NEGR1: variants seen among roughly 807,000 people sequenced by gnomAD.
NEGR1 encodes IgLON family member 4.
In NEGR1, 10 loss-of-function variants were observed where a neutral mutation model predicts 40.9. That is an observed-to-expected ratio of 0.24 (90% confidence interval 0.15 to 0.42). NEGR1 has a LOEUF of 0.42. Ranked by LOEUF, NEGR1 falls within the 10% of genes least tolerant of loss-of-function variation. NEGR1 has a pLI of 1.00. For missense variants in NEGR1, 352 were observed against 438.9 expected, an observed-to-expected ratio of 0.80 and a Z score of 1.77; for synonymous variants, 185 against 166.8, an observed-to-expected ratio of 1.11 and a Z score of -0.84.
intron 1 of NEGR1, among the ~76,000 whole-genome samples, chr1:72,181,830 TA>T (rs1177425673): frequency 6.6e-6 from 1 of 152,014 alleles, no homozygotes; most frequent in Non-Finnish European, 1.5e-5. Context: ...TGTGGAGTCT[TA>T]AAAAATTCAA....
At chr1:72,153,090 C>G (rs943997336) in intron 1 of NEGR1, among the ~76,000 whole-genome samples, 1 of 151,718 alleles carries the variant, frequency 6.6e-6, no homozygotes, top group African/African-American at 2.4e-5. Context: ...TCCCATGTAC[C>G]AAACCTGCAC....
At chr1:71,842,115 A>G (rs1408911992) in intron 2 of NEGR1, among the ~76,000 whole-genome samples, 7 of 152,162 alleles carry the variant, frequency 4.6e-5, no homozygotes, top group Admixed American at 1.3e-4. Context: ...GTTAGCTCAG[A>G]AGTCACATGG....
At chr1:71,763,946 G>T (rs1006090339) in intron 3 of NEGR1, among the ~76,000 whole-genome samples, 10 of 152,150 alleles carry the variant, frequency 6.6e-5, no homozygotes, top group African/African-American at 2.2e-4. Context: ...AATCTTTACA[G>T]ATTCCCTACT....
chr1:71,470,163 T>C (rs1305973126), intron 6 of NEGR1, among the ~76,000 whole-genome samples: 3 of 152,110 alleles, frequency 2.0e-5, no homozygotes, highest in African/African-American at 7.2e-5. Context: ...AGGGTCTATA[T>C]ACTCAGAATG....
chr1:71,677,270 C>T (rs144569888), intron 4 of NEGR1, among the ~76,000 whole-genome samples: 80 of 152,040 alleles, frequency 5.3e-4, no homozygotes, highest in Middle Eastern at 6.8e-3. Flanking sequence ...ATCTGGTCTC[C>T]GGATAGGATA....
At chr1:71,424,057 G>C (rs1646414181) in intron 6 of NEGR1, among the ~76,000 whole-genome samples, 1 of 147,782 alleles carries the variant, frequency 6.8e-6, no homozygotes, top group Non-Finnish European at 1.5e-5. Flanking sequence ...AGGCATAACT[G>C]TCAGACGCTA....
Position 71,429,406 on chromosome 1 carries a change from G to A in NEGR1, c.941-21836C>T, listed in dbSNP as rs544313235. On this transcript the variant is annotated intron_variant, in intron 6 of 6. Coordinates refer to ENST00000357731, the MANE Select transcript of NEGR1 (RefSeq NM_173808.3). ...ATTTCATTTCAAATTCAAATGCTCGGTGGGGGTTGCACAGTAAAATCCTTA... is the reference window on the plus strand; with the variant it reads ...ATTTCATTTCAAATTCAAATGCTCGATGGGGGTTGCACAGTAAAATCCTTA... Among the ~76,000 whole-genome samples the A allele has an allele frequency of 3.1e-3, 468 of 152,264 alleles. 1 individual carries two copies. The highest frequency in any genetic ancestry group is 5.1e-3 in the Non-Finnish European group (349 of 68,010).
chr1:72,070,690 C>G (rs1647424745), intron 1 of NEGR1, among the ~76,000 whole-genome samples: 1 of 151,960 alleles, frequency 6.6e-6, no homozygotes, highest in Admixed American at 6.6e-5. Flanking sequence ...ATCCCTGACT[C>G]CACCATAAAG....
chr1:71,446,687 G>C (rs151217681), intron 6 of NEGR1, among the ~76,000 whole-genome samples: 1 of 152,030 alleles, frequency 6.6e-6, no homozygotes, highest in Admixed American at 6.6e-5. Flanking sequence ...TCTTCTTTCC[G>C]ATGTACATTT....
intron 2 of NEGR1, among the ~76,000 whole-genome samples, chr1:71,777,297 T>C (rs1313973624): frequency 6.6e-6 from 1 of 152,102 alleles, no homozygotes; most frequent in Non-Finnish European, 1.5e-5. Flanking sequence ...ATCTGGCTGC[T>C]ATGGAGACTA....
intron 1 of NEGR1, among the ~76,000 whole-genome samples, chr1:71,991,502 CTCT>C (rs1646450588): frequency 1.3e-5 from 2 of 152,144 alleles, no homozygotes; most frequent in South Asian, 2.1e-4. Flanking sequence ...ATGCTCTTAC[CTCT>C]TCTTCATCTG....
chr1:71,760,272 G>C (rs1266135757), intron 3 of NEGR1, among the ~76,000 whole-genome samples: 4 of 151,998 alleles, frequency 2.6e-5, no homozygotes, highest in African/African-American at 9.7e-5. Context: ...CATATCAAGA[G>C]GCCCATTGTT....
chr1:71,775,597 C>T (rs751365172), intron 3 of NEGR1, among the ~76,000 whole-genome samples: 36 of 152,040 alleles, frequency 2.4e-4, no homozygotes, highest in Admixed American at 3.3e-4. Context: ...CTGCCTGCCT[C>T]GACCTCCCAA....
chr1:72,004,740 A>T (rs1457392066), intron 1 of NEGR1, among the ~76,000 whole-genome samples: 3 of 152,172 alleles, frequency 2.0e-5, no homozygotes, highest in Non-Finnish European at 4.4e-5. Context: ...CGTTTTTAAC[A>T]TTTAGAAAAA....
intron 1 of NEGR1, among the ~76,000 whole-genome samples, chr1:71,984,242 A>G (rs1646376613): frequency 7.6e-6 from 1 of 131,564 alleles, no homozygotes; most frequent in Non-Finnish European, 1.7e-5. Context: ...CAATTACTTC[A>G]GGTCCTACTG....
chr1:72,185,222 T>C (rs1239721018), intron 1 of NEGR1, among the ~76,000 whole-genome samples: 9 of 151,900 alleles, frequency 5.9e-5, no homozygotes, highest in Non-Finnish European at 1.3e-4. Context: ...ATTAATCTTA[T>C]ATATGCAATT....
rs1646389994 is a variant in NEGR1, at chr1:71,985,877, C to T, written c.177-50566G>A. Among the ~76,000 whole-genome samples, 4 of 152,206 alleles carry T rather than the reference C, an allele frequency of 2.6e-5. 1 individual carries two copies. The South Asian group carries it at 8.3e-4, about 32-fold the overall frequency. On this transcript the variant is annotated intron_variant, in intron 1 of 6. Transcript: ENST00000357731. ...AATTTTGCTTCACCATACTTGGAAGCACATTTTAGTTGATGAAATAATTTT... is the reference window on the plus strand; with the variant it reads ...AATTTTGCTTCACCATACTTGGAAGTACATTTTAGTTGATGAAATAATTTT...
At chr1:72,091,186 A>G (rs1648475843) in intron 1 of NEGR1, among the ~76,000 whole-genome samples, 1 of 152,196 alleles carries the variant, frequency 6.6e-6, no homozygotes, top group Non-Finnish European at 1.5e-5. Flanking sequence ...CAGTAAGAGA[A>G]CATGACACTC....
intron 4 of NEGR1, among the ~76,000 whole-genome samples, chr1:71,665,383 G>A (rs909705581): frequency 6.6e-6 from 1 of 152,140 alleles, no homozygotes; most frequent in African/African-American, 2.4e-5. Context: ...ATGGGGAAAT[G>A]GGCAGGGTTA....
Sources: allele counts gnomAD v4.1 joint callset (sites outside exome capture counted in the v4.1 genomes callset), GRCh38; gene constraint gnomAD v4.1.1; transcripts MANE v1.5; gene names NCBI Gene and HGNC (gene_info 2026-07-23, HGNC 2026-07-21).